Variants in POU2F1 observed in about 807,000 individuals in gnomAD.
POU2F1 encodes the protein POU domain, class 2, transcription factor 1.
Under a neutral mutation model 84.9 loss-of-function variants are expected in POU2F1, and 16 were observed. The ratio of observed to expected loss-of-function variants is 0.19; its 90% CI spans 0.13 to 0.29. The LOEUF (loss-of-function observed/expected upper bound fraction) is 0.29. Among genes scored for constraint, POU2F1 ranks in the 10% least tolerant of loss-of-function variants. The pLI is 1.00. For synonymous variants in POU2F1, 368 were observed against 368.3 expected, an observed-to-expected ratio of 1.00 and a Z score of 0.01; for missense variants, 738 against 942.6, an observed-to-expected ratio of 0.78 and a Z score of 2.84.
At chr1:167,267,630 C>CTTTTTTTTTTTT (rs71073658) in intron 1 of POU2F1, among the ~76,000 whole-genome samples, 13 of 70,484 alleles carry the variant, frequency 1.8e-4, no homozygotes, top group Admixed American at 2.3e-4. Flanking sequence ...GTTACTGTGT[C>CTTTTTTTTTTTT]TTTTTTTTTT....
At chr1:167,230,899 T>C (rs962552283) in intron 1 of POU2F1, among the ~76,000 whole-genome samples, 1 of 152,208 alleles carries the variant, frequency 6.6e-6, no homozygotes, top group Non-Finnish European at 1.5e-5. Context: ...ATGGAACTTT[T>C]TCAACATAAG....
At chr1:167,371,105 AAG>A (rs1202869790) in intron 4 of POU2F1, among the ~76,000 whole-genome samples, 1 of 152,190 alleles carries the variant, frequency 6.6e-6, no homozygotes, top group Non-Finnish European at 1.5e-5. Context: ...AGAAAAGAAA[AAG>A]AGATAATGTG....
intron 1 of POU2F1, among the ~76,000 whole-genome samples, chr1:167,304,305 T>A (rs1278495748): frequency 6.6e-6 from 1 of 152,206 alleles, no homozygotes; most frequent in African/African-American, 2.4e-5. Context: ...TTGTATGTAT[T>A]ATTTTATTTA....
rs923695127 is a variant in POU2F1, at chr1:167,418,519, G to C, written c.*2709G>C. 2.0e-5 allele frequency: 3 copies of C among 152,194 alleles called. No individual in the cohort carries two copies. Among genetic ancestry groups the C allele is most frequent in the African/African-American group, 7.2e-5 (3 of 41,444 alleles). 9.4% of individuals were successfully genotyped at this position (152,194 alleles called of 1,614,324 possible). ...AAACTTAGAAGGAAGGATTCAGGGA[G>C]GGAAATGCTGGTACCCAGTATACTG... On this transcript the variant is annotated 3_prime_UTR_variant, in exon 16 of 16. Coordinates refer to ENST00000367866, the MANE Select transcript of POU2F1 (RefSeq NM_002697.4).
At chr1:167,312,439 A>G (rs1655563987) in intron 1 of POU2F1, among the ~76,000 whole-genome samples, 1 of 151,914 alleles carries the variant, frequency 6.6e-6, no homozygotes, top group African/African-American at 2.4e-5. Flanking sequence ...GTTGTTGGCC[A>G]GGCGGGTCTC....
intron 13 of POU2F1, among the ~76,000 whole-genome samples, chr1:167,402,433 T>G (rs1008156136): frequency 2.6e-5 from 4 of 152,160 alleles, no homozygotes; most frequent in Non-Finnish European, 5.9e-5. Context: ...TTATATTAAA[T>G]TTCTACATTA....
At position 167,365,701 on chromosome 1, in the gene POU2F1, A is replaced by G. The variant is rs1659644470; in HGVS notation, c.228+134A>G. 4.9e-6 allele frequency: 3 copies of G among 607,904 alleles called. 1 individual carries two copies. In the South Asian group the frequency reaches 9.4e-5, roughly 19 times the overall value. 37.7% of individuals were successfully genotyped at this position (607,904 alleles called of 1,614,324 possible). ...CTAGTGCTAATTGTGTAATTGTGTCATTCTATTTGGTTAGTATGAAATCCT... is the reference window on the plus strand; with the variant it reads ...CTAGTGCTAATTGTGTAATTGTGTCGTTCTATTTGGTTAGTATGAAATCCT... On this transcript the variant is annotated intron_variant, in intron 3 of 15. Transcript: ENST00000367866.
intron 2 of POU2F1, among the ~76,000 whole-genome samples, chr1:167,350,595 AC>A (rs1658487440): frequency 6.6e-6 from 1 of 150,720 alleles, no homozygotes; most frequent in Admixed American, 6.6e-5. Flanking sequence ...AATTGCTTGA[AC>A]CTGAGAGGTG....
intron 1 of POU2F1, among the ~76,000 whole-genome samples, chr1:167,245,593 A>G (rs758055200): frequency 6.6e-6 from 1 of 151,980 alleles, no homozygotes; most frequent in Non-Finnish European, 1.5e-5. Context: ...TTGTGTTTTT[A>G]GTAGAGACGG....
At chr1:167,350,958 A>G (rs1444389805) in intron 2 of POU2F1, among the ~76,000 whole-genome samples, 1 of 151,786 alleles carries the variant, frequency 6.6e-6, no homozygotes, top group Non-Finnish European at 1.5e-5. Flanking sequence ...AGATCATGCC[A>G]TTGCACTCCA....
At chr1:167,236,112 T>C (rs74895514) in intron 1 of POU2F1, among the ~76,000 whole-genome samples, 1 of 146,300 alleles carries the variant, frequency 6.8e-6, no homozygotes, top group African/African-American at 2.5e-5. Flanking sequence ...TTTGGACATC[T>C]TTTTTTTTTT....
chr1:167,285,495 A>C (rs988839810), intron 1 of POU2F1, among the ~76,000 whole-genome samples: 2 of 152,090 alleles, frequency 1.3e-5, no homozygotes, highest in African/African-American at 4.8e-5. Flanking sequence ...GGGAGGCTGA[A>C]GCAGGAGAAT....
intron 1 of POU2F1, among the ~76,000 whole-genome samples, chr1:167,255,365 T>G (rs1651053089): frequency 6.6e-6 from 1 of 152,186 alleles, no homozygotes; most frequent in Admixed American, 6.5e-5. Context: ...TTAGCCTAAG[T>G]AAATTCCAGT....
chr1:167,391,316 A>T (rs1445085283), intron 9 of POU2F1, among the ~76,000 whole-genome samples: 1 of 151,098 alleles, frequency 6.6e-6, no homozygotes, highest in Non-Finnish European at 1.5e-5. Flanking sequence ...ATCATTAGGT[A>T]AAAAAAAACT....
Position 167,416,453 on chromosome 1 carries a change from T to C in POU2F1, c.*643T>C, listed in dbSNP as rs978171338. On this transcript the variant is annotated 3_prime_UTR_variant, in exon 16 of 16. Transcript: ENST00000367866. ...TTTATTATCTCTTGCTCCTGGATCC[T>C]ATTTCAGTGAGCTCCCACACTGTGG... 1 of 164,458 alleles carries C rather than the reference T, an allele frequency of 6.1e-6. No individual in the cohort carries two copies. The highest frequency in any genetic ancestry group is 1.3e-5 in the Non-Finnish European group (1 of 76,774). The allele number at this position is 164,458 out of a possible 1,614,324, so 10.2% of individuals were successfully genotyped here. A position where few individuals can be genotyped will look rare whatever the true frequency, so the allele number is the denominator to read the frequency against.
At chr1:167,300,589 C>T (rs11801381) in intron 1 of POU2F1, among the ~76,000 whole-genome samples, 61,423 of 151,746 alleles carry the variant, frequency 0.4, 14,783 homozygotes, top group East Asian at 0.69. Flanking sequence ...CTCAGCCTCC[C>T]GAGTAGCTGG....
Position 167,414,385 on chromosome 1 carries a change from C to T in POU2F1, c.1991-1115C>T. The stretch of plus-strand genomic sequence containing the variant: ...TAAGTTTGGAATCTCAGAAAAACTT[C>T]AAGCTGCACTGTCTCACTGTTCTGT... On this transcript the variant is annotated intron_variant, in intron 15 of 15. Transcript: ENST00000367866. 9.1e-6 allele frequency: 9 copies of T among 985,396 alleles called. No homozygotes were observed. The South Asian group carries it at 1.9e-4, about 21-fold the overall frequency. The allele number at this position is 985,396 out of a possible 1,614,324, so 61.0% of individuals were successfully genotyped here. A position where few individuals can be genotyped will look rare whatever the true frequency, so the allele number is the denominator to read the frequency against.
At chr1:167,405,405 C>G (rs1410818002) in intron 13 of POU2F1, among the ~76,000 whole-genome samples, 2 of 151,452 alleles carry the variant, frequency 1.3e-5, no homozygotes, top group African/African-American at 2.4e-5. Flanking sequence ...AGGCCATGTG[C>G]AGTGGCTTAT....
At chr1:167,285,203 A>G (rs1001702145) in intron 1 of POU2F1, among the ~76,000 whole-genome samples, 6 of 152,346 alleles carry the variant, frequency 3.9e-5, no homozygotes, top group Non-Finnish European at 5.9e-5. Flanking sequence ...TGTTAGGATT[A>G]AAAGGGAATC....
Sources: gnomAD v4.1 joint callset for allele counts (sites outside exome capture counted in the v4.1 genomes callset) on GRCh38, gnomAD v4.1.1 for gene constraint, MANE v1.5 for transcripts, NCBI Gene and HGNC (gene_info 2026-07-23, HGNC 2026-07-21) for gene names.